Variants in KIZ observed in about 807,000 individuals in gnomAD.
KIZ encodes the protein centrosomal protein kizuna.
In KIZ, 68 loss-of-function variants were observed where a neutral mutation model predicts 79.6. That is an observed-to-expected ratio of 0.85 (90% confidence interval 0.70 to 1.05). The LOEUF is 1.05. KIZ is among the 50% of genes least tolerant of loss of function. The pLI, the probability that KIZ is intolerant of heterozygous loss-of-function variation, is 0.00. For synonymous variants in KIZ, 280 were observed against 281.8 expected (o/e 0.99, Z 0.06); for missense variants, 797 against 800.4 (o/e 1.00, Z 0.05).
intron 3 of KIZ, among the ~76,000 whole-genome samples, chr20:21,140,020 C>G (rs148250785): frequency 2.0e-5 from 3 of 152,284 alleles, no homozygotes; most frequent in Non-Finnish European, 4.4e-5. Context: ...CCTACGAACC[C>G]AGACAGCAAT....
At chr20:21,218,300 GCCTATGTGCCCTTAGTAAC>G (rs2036378255) in intron 9 of KIZ, 1 of 152,138 alleles carries the variant, frequency 6.6e-6, no homozygotes, top group African/African-American at 2.4e-5. Context: ...GTCTCGGGGT[GCCTATGTGCCCTTAGTAAC>G]CCTATGTGCT....
intron 1 of KIZ, among the ~76,000 whole-genome samples, chr20:21,126,582 T>G (rs1250242946): frequency 6.6e-6 from 1 of 152,056 alleles, no homozygotes; most frequent in African/African-American, 2.4e-5. Context: ...CCCACTCTCT[T>G]CAAATTGCCA....
At chr20:21,153,024 A>G (rs1325311911) in intron 4 of KIZ, among the ~76,000 whole-genome samples, 1 of 152,206 alleles carries the variant, frequency 6.6e-6, no homozygotes, top group Non-Finnish European at 1.5e-5. Flanking sequence ...ATATTGTAGC[A>G]TAAGAGGTTT....
intron 6 of KIZ, among the ~76,000 whole-genome samples, chr20:21,205,195 A>G (rs1230980791): frequency 6.6e-6 from 1 of 152,222 alleles, no homozygotes; most frequent in Non-Finnish European, 1.5e-5. Flanking sequence ...GCCATACCCC[A>G]GACCATTTTT....
At chr20:21,189,302 C>T (rs1390996228) in intron 6 of KIZ, among the ~76,000 whole-genome samples, 1 of 151,994 alleles carries the variant, frequency 6.6e-6, no homozygotes, top group Non-Finnish European at 1.5e-5. Flanking sequence ...AAAACAGAAC[C>T]CCTATTCGGT....
chr20:21,187,535 G>A (rs951814070), intron 6 of KIZ, among the ~76,000 whole-genome samples: 3 of 152,126 alleles, frequency 2.0e-5, no homozygotes, highest in East Asian at 1.9e-4. Context: ...CCTATCCACC[G>A]TGCCATCATG....
intron 11 of KIZ, among the ~76,000 whole-genome samples, chr20:21,241,703 G>A (rs1235381175): frequency 1.3e-5 from 2 of 152,178 alleles, no homozygotes; most frequent in African/African-American, 4.8e-5. Context: ...TGCCACATGC[G>A]GAAGTGAGGT....
At chr20:21,207,109 AATT>A (rs988685406) in intron 7 of KIZ, among the ~76,000 whole-genome samples, 2 of 152,090 alleles carry the variant, frequency 1.3e-5, no homozygotes, top group Non-Finnish European at 2.9e-5. Context: ...GTGTTTCTAA[AATT>A]ATTGTTACCA....
intron 6 of KIZ, among the ~76,000 whole-genome samples, chr20:21,192,227 A>G (rs2035137641): frequency 6.7e-6 from 1 of 150,190 alleles, no homozygotes; most frequent in Non-Finnish European, 1.5e-5. Context: ...TTACATGTTC[A>G]TCACTTAGGG....
chr20:21,186,441 C>T (rs762120232), intron 6 of KIZ, among the ~76,000 whole-genome samples: 5 of 151,686 alleles, frequency 3.3e-5, no homozygotes, highest in Admixed American at 1.3e-4. Context: ...TCCACTTACC[C>T]GGAATTGGGA....
At chr20:21,183,692 AT>A (rs111482721) in intron 6 of KIZ, among the ~76,000 whole-genome samples, 79 of 151,910 alleles carry the variant, frequency 5.2e-4, no homozygotes, top group Middle Eastern at 3.4e-3. Context: ...AAATTACAGG[AT>A]TTTTTTTTGT....
intron 6 of KIZ, among the ~76,000 whole-genome samples, chr20:21,171,019 G>A (rs984156462): frequency 3.9e-5 from 6 of 152,166 alleles, no homozygotes; most frequent in African/African-American, 7.2e-5. Flanking sequence ...CTGAACCATC[G>A]TCTTCCAAAG....
chr20:21,238,946 A>G (rs1443749284), intron 11 of KIZ, among the ~76,000 whole-genome samples: 2 of 152,098 alleles, frequency 1.3e-5, no homozygotes. Context: ...TCTGTCCCCA[A>G]ACCTCCCATT....
intron 1 of KIZ, among the ~76,000 whole-genome samples, chr20:21,126,489 A>G (rs926667409): frequency 2.6e-5 from 4 of 152,160 alleles, no homozygotes; most frequent in African/African-American, 4.8e-5. Flanking sequence ...GAATTTGCCC[A>G]GAAGTGAAGG....
rs1194375988 is a variant in KIZ, at chr20:21,233,255, C to CT, written c.1880+434dup. 4.6e-5 allele frequency among the ~76,000 whole-genome samples: 7 copies of CT among 151,536 alleles called. 1 individual carries two copies. The highest frequency in any genetic ancestry group is 4.2e-4 in the South Asian group (2 of 4,784). Reference sequence around the variant, plus strand: ...GCTGGATATTCATTTTTATTTTCCTCTTTTTTTTTAACCAAGTGTTTAGGC... The same window carrying CT: ...GCTGGATATTCATTTTTATTTTCCTCTTTTTTTTTTAACCAAGTGTTTAGGC... On this transcript the variant is annotated intron_variant, in intron 11 of 12. Transcript: ENST00000619189.
chr20:21,203,036 A>G (rs1264868678), intron 6 of KIZ, among the ~76,000 whole-genome samples: 1 of 152,212 alleles, frequency 6.6e-6, no homozygotes, highest in East Asian at 1.9e-4. Flanking sequence ...ACTATCATTT[A>G]ACATAATCAA....
intron 6 of KIZ, among the ~76,000 whole-genome samples, chr20:21,184,257 C>T (rs139911418): frequency 6.6e-6 from 1 of 151,850 alleles, no homozygotes; most frequent in African/African-American, 2.4e-5. Flanking sequence ...AAGTGATTCT[C>T]CTGCCTCAGC....
At chr20:21,215,930 A>G (rs2123309551) in intron 9 of KIZ, among the ~76,000 whole-genome samples, 1 of 152,316 alleles carries the variant, frequency 6.6e-6, no homozygotes, top group Middle Eastern at 3.4e-3. Context: ...CGTCTCTGTA[A>G]AAAGGTCCAT....
chr20:21,142,892 A>G (rs2122474488), intron 3 of KIZ, among the ~76,000 whole-genome samples: 2 of 152,320 alleles, frequency 1.3e-5, no homozygotes, highest in South Asian at 4.1e-4. Flanking sequence ...ATATTTGAGA[A>G]CAAGTCTTTT....
Sources: gnomAD v4.1 joint callset for allele counts (sites outside exome capture counted in the v4.1 genomes callset) on GRCh38, gnomAD v4.1.1 for gene constraint, MANE v1.5 for transcripts, NCBI Gene and HGNC (gene_info 2026-07-23, HGNC 2026-07-21) for gene names.